The following PSME3 variants were observed in gnomAD, a reference collection of about 807,000 sequenced individuals.
PSME3 encodes proteasome activator subunit 3.
A neutral mutation model predicts 38.3 loss-of-function variants in PSME3; 7 were observed. That is an observed-to-expected ratio of 0.18 (90% CI 0.10 to 0.34). The LOEUF is 0.34. Among genes scored for constraint, PSME3 ranks in the 10% least tolerant of loss-of-function variants. PSME3 has a pLI of 1.00. For missense variants in PSME3, 192 were observed against 307.6 expected (o/e 0.62, Z 2.81); for synonymous variants, 108 against 105.7 (o/e 1.02, Z -0.13).
chr17:42,833,645 T>C lies in PSME3; in HGVS notation c.14T>C (p.Leu5Pro). Residue 5 changes from leucine (L) to proline (P), a missense_variant, in exon 1 of 11, where the codon CTG (leucine) becomes CCG (proline). This residue lies in a region of PSME3 where 110 missense variants were observed against 139.3 expected (regional missense o/e 0.79). Transcript: ENST00000590720. ...CCCGGCCCGGCCATGGCCTCGTTGC[T>C]GAAGGTGGATCAGGAAGTGAAGCTC... MASLLKVDQEVKLKV... is the reference protein window; with the variant it reads MASLPKVDQEVKLKV... 1 of 1,614,210 alleles carries C rather than the reference T, an allele frequency of 6.2e-7. No individual in the cohort carries two copies. Among genetic ancestry groups the C allele is most frequent in the Non-Finnish European group, 8.5e-7 (1 of 1,180,028 alleles).
At chr17:42,837,956 TA>T in intron 5 of PSME3, 136 bp from the exon 6 acceptor site, 1 of 969,522 alleles carries the variant, frequency 1.0e-6, no homozygotes, top group Non-Finnish European at 1.6e-6. Flanking sequence ...TCGTTGATTC[TA>T]ATAGTGGTGT....
At position 42,833,627 on chromosome 17, in the gene PSME3, C is replaced by G. The variant is rs746119256; in HGVS notation, c.-5C>G. ...CCAGAGGATCGGACACGGCCCGGCC[C>G]GGCCATGGCCTCGTTGCTGAAGGTG... On this transcript the variant is annotated 5_prime_UTR_variant, in exon 1 of 11. Transcript: ENST00000590720. 2 of 1,614,238 alleles carry G rather than the reference C, an allele frequency of 1.2e-6. No homozygotes were observed. Among genetic ancestry groups the G allele is most frequent in the Non-Finnish European group, 1.7e-6 (2 of 1,180,032 alleles).
chr17:42,835,006 T>G, intron 4 of PSME3, 130 bp downstream of exon 4: 1 of 1,320,838 alleles, frequency 7.6e-7, no homozygotes. Flanking sequence ...GTTACAGACA[T>G]GATGACTCTA....
intron 5 of PSME3, 73 bp from the exon 6 acceptor site, chr17:42,838,020 A>G: frequency 6.6e-7 from 1 of 1,518,752 alleles, no homozygotes. Context: ...AGGTATAGGG[A>G]AAATGAGAGA....
Position 42,841,490 on chromosome 17 carries a change from T to C in PSME3, c.685-8T>C. ...GATATGTGATTCCCCTGATCCCTCTTCTCTCAGGTCACTCTACATGACATG... is the reference window on the plus strand; with the variant it reads ...GATATGTGATTCCCCTGATCCCTCTCCTCTCAGGTCACTCTACATGACATG... On this transcript the variant is annotated splice_polypyrimidine_tract_variant and splice_region_variant and intron_variant, in intron 10 of 10. Transcript: ENST00000590720. The C allele has an allele frequency of 6.3e-7, 1 of 1,579,090 alleles. No homozygotes were observed. The highest frequency in any genetic ancestry group is 8.7e-7 in the Non-Finnish European group (1 of 1,152,648).
chr17:42,838,106 T>G lies in PSME3; in HGVS notation c.306T>G (p.Phe102Leu), dbSNP rs759030132. 6.2e-7 allele frequency: 1 copy of G among 1,614,000 alleles called. No homozygotes were observed. The highest frequency in any genetic ancestry group is 8.5e-7 in the Non-Finnish European group (1 of 1,180,030). The change falls in exon 6 of 11, where the codon TTT becomes TTG. Residue 102 changes from phenylalanine (F) to leucine (L), a missense_variant. Around this residue, in one of 2 missense-constraint regions of PSME3, gnomAD observed 110 missense variants for 139.3 expected, o/e 0.79. Coordinates refer to ENST00000590720, the MANE Select transcript of PSME3 (RefSeq NM_005789.4). ...CEEAFQGTKVFVMPNGMLKSN... is the reference protein window; with the variant it reads ...CEEAFQGTKVLVMPNGMLKSN... Reference sequence around the variant, plus strand: ...CATCTCTGCCAGGAACCAAGGTGTTTGTGATGCCCAATGGGATGCTGAAAA... The same window carrying G: ...CATCTCTGCCAGGAACCAAGGTGTTGGTGATGCCCAATGGGATGCTGAAAA...
intron 6 of PSME3, 126 bp from the exon 7 acceptor site, chr17:42,838,605 A>C: frequency 1.1e-6 from 1 of 930,118 alleles, no homozygotes; most frequent in South Asian, 1.6e-5. Context: ...GGCATGAGCC[A>C]CCATGCCTGG....
At chr17:42,834,652 T>C in intron 3 of PSME3, 75 bp downstream of exon 3, 1 of 1,601,730 alleles carries the variant, frequency 6.2e-7, no homozygotes, top group South Asian at 1.1e-5. Context: ...GGATAAACTG[T>C]TGATTCTTCT....
In PSME3 at chr17:42,833,532, G is replaced by A. The variant is rs1597950692; in HGVS notation, c.-100G>A. ...TGAGTAAGCCAGCAAGGGCGGTCGG[G>A]TCCCGAGGTCAGCCGAGATTTCTCA... On this transcript the variant is annotated 5_prime_UTR_variant, in exon 1 of 11. Coordinates refer to ENST00000590720, the MANE Select transcript of PSME3 (RefSeq NM_005789.4). The A allele has an allele frequency of 3.3e-6, 5 of 1,508,170 alleles. No homozygotes were observed. Among genetic ancestry groups the A allele is most frequent in the Non-Finnish European group, 4.6e-6 (5 of 1,089,976 alleles). 93.4% of individuals were successfully genotyped at this position (1,508,170 alleles called of 1,614,324 possible).
Position 42,833,471 on chromosome 17 carries a change from G to A in PSME3, c.-161G>A. The A allele has an allele frequency of 1.3e-6, 1 of 794,470 alleles. No individual in the cohort carries two copies. Among genetic ancestry groups the A allele is most frequent in the Non-Finnish European group, 2.0e-6 (1 of 503,354 alleles). 49.2% of individuals were successfully genotyped at this position (794,470 alleles called of 1,614,324 possible). On this transcript the variant is annotated 5_prime_UTR_variant, in exon 1 of 11. Coordinates refer to ENST00000590720, the MANE Select transcript of PSME3 (RefSeq NM_005789.4). Reference sequence around the variant, plus strand: ...AGCAGGCAGCAGGCTGCCGGCGGGCGGGCGGACGGCACAGAGGGAGGGAGC... The same window carrying A: ...AGCAGGCAGCAGGCTGCCGGCGGGCAGGCGGACGGCACAGAGGGAGGGAGC...
intron 10 of PSME3, 109 bp from the exon 11 acceptor site, chr17:42,841,389 A>T (rs1026448794): frequency 1.8e-6 from 1 of 547,440 alleles, no homozygotes; most frequent in Non-Finnish European, 3.1e-6. Flanking sequence ...GACATTAAGG[A>T]CTTACCGTAT....
rs1278379869 is a variant in PSME3 at position 42,837,962 on chromosome 17, T to C, written c.293-131T>C. The C allele has an allele frequency of 7.1e-6, 7 of 980,746 alleles. No individual in the cohort carries two copies. The South Asian group carries it at 8.5e-5, about 12-fold the overall frequency. The allele number at this position is 980,746 out of a possible 1,614,324, so 60.8% of individuals were successfully genotyped here. On this transcript the variant is annotated intron_variant, in intron 5 of 10. Coordinates refer to ENST00000590720, the MANE Select transcript of PSME3 (RefSeq NM_005789.4). ...CATACATTCTCGTTGATTCTAATAG[T>C]GGTGTCATGGTAGGATTGTGACAAA...
chr17:42,842,785 A>T lies in PSME3; in HGVS notation c.*1207A>T, dbSNP rs990026941. The T allele has an allele frequency of 3.3e-5, 5 of 152,766 alleles. No homozygotes were observed. The highest frequency in any genetic ancestry group is 9.7e-5 in the African/African-American group (4 of 41,448). 9.5% of individuals were successfully genotyped at this position (152,766 alleles called of 1,614,324 possible). The stretch of plus-strand genomic sequence containing the variant: ...CCAGAGATATCACTTAATTGTTAAC[A>T]GCTTTTGTGTTAATCCCCTTCAGCC... On this transcript the variant is annotated 3_prime_UTR_variant, in exon 11 of 11. Coordinates refer to ENST00000590720, the MANE Select transcript of PSME3 (RefSeq NM_005789.4).
intron 4 of PSME3, among the ~76,000 whole-genome samples, chr17:42,837,041 C>T (rs548271960): frequency 4.6e-5 from 7 of 151,538 alleles, no homozygotes; most frequent in Non-Finnish European, 7.4e-5. Context: ...CCACCACACC[C>T]GGCTAATTTT....
chr17:42,834,314 G>A, intron 1 of PSME3, 30 bp from the exon 2 acceptor site: 5 of 1,614,034 alleles, frequency 3.1e-6, no homozygotes, highest in Non-Finnish European at 4.2e-6. Context: ...CTGTCCCCAG[G>A]TACTGAATTG....
chr17:42,833,805 C>CGA (rs2055428553), intron 1 of PSME3, 132 bp downstream of exon 1: 1 of 1,583,454 alleles, frequency 6.3e-7, no homozygotes, highest in Non-Finnish European at 8.6e-7. Flanking sequence ...TCAGCCCAGC[C>CGA]CCCAACTCCC....
chr17:42,840,369 G>A (rs1176130451), intron 10 of PSME3, among the ~76,000 whole-genome samples: 4 of 152,142 alleles, frequency 2.6e-5, no homozygotes, highest in Admixed American at 2.0e-4. Flanking sequence ...ACTGTGGGAG[G>A]CTGAGGCAGG....
chr17:42,836,883 CT>C (rs529455982), intron 4 of PSME3, among the ~76,000 whole-genome samples: 276 of 137,198 alleles, frequency 2.0e-3, no homozygotes, highest in Middle Eastern at 4.0e-3. Context: ...TCTTTATTTC[CT>C]TTTTTTTTTT....
chr17:42,838,040 G>T (rs1003431717), intron 5 of PSME3, 53 bp from the exon 6 acceptor site: 3 of 1,578,796 alleles, frequency 1.9e-6, no homozygotes, highest in South Asian at 2.2e-5. Context: ...AGAGGCAGGG[G>T]ATGCTGTGTC....
Sources: gnomAD v4.1 joint callset for allele counts (sites outside exome capture counted in the v4.1 genomes callset) on GRCh38, gnomAD v4.1.1 for gene constraint, gnomAD v4.1.1 regional missense constraint, MANE v1.5 for transcripts, NCBI Gene and HGNC (gene_info 2026-07-23, HGNC 2026-07-21) for gene names.